Variants in MTDH observed in about 807,000 individuals in gnomAD.
The protein encoded by MTDH is protein LYRIC.
A neutral mutation model predicts 72.7 loss-of-function variants in MTDH; 34 were observed. The ratio of observed to expected loss-of-function variants is 0.47; its 90% CI spans 0.36 to 0.62. MTDH has a LOEUF of 0.62. Among genes scored for constraint, MTDH ranks in the 20% least tolerant of loss-of-function variants. MTDH has a pLI of 0.00. For synonymous variants in MTDH, 266 were observed against 268.9 expected (o/e 0.99, Z 0.10); for missense variants, 677 against 699.4 (o/e 0.97, Z 0.36).
At chr8:97,721,179 C>T (rs555165151) in intron 10 of MTDH, among the ~76,000 whole-genome samples, 28 of 152,146 alleles carry the variant, frequency 1.8e-4, no homozygotes, top group Non-Finnish European at 3.4e-4. Context: ...TGGTGGCTCA[C>T]GCCTGTAATC....
chr8:97,688,694 G>A (rs1554578861), intron 4 of MTDH, among the ~76,000 whole-genome samples: 1 of 152,198 alleles, frequency 6.6e-6, no homozygotes, highest in Non-Finnish European at 1.5e-5. Flanking sequence ...GTGTTGTTGA[G>A]AGGTGGCAAA....
chr8:97,693,561 C>G (rs868414080), intron 6 of MTDH, among the ~76,000 whole-genome samples: 13 of 152,236 alleles, frequency 8.5e-5, no homozygotes, highest in Admixed American at 5.2e-4. Context: ...CTCCTGACCT[C>G]ATGATTCACC....
rs1375246130 is a variant in MTDH at position 97,644,290 on chromosome 8, C to T, written c.-217C>T. 6 of 580,440 alleles carry T rather than the reference C, an allele frequency of 1.0e-5. No individual in the cohort carries two copies. The East Asian group carries it at 2.1e-4, about 20-fold the overall frequency. 36.0% of individuals were successfully genotyped at this position (580,440 alleles called of 1,614,324 possible). ...CACTCCCTCCCGCCTCCCGGGTCTC[C>T]TGGCGGCGGCGGAGTGAGGCTGACA... On this transcript the variant is annotated 5_prime_UTR_variant, in exon 1 of 12. Coordinates refer to ENST00000336273, the MANE Select transcript of MTDH (RefSeq NM_178812.4).
chr8:97,705,633 A>G (rs1479587490), intron 7 of MTDH, among the ~76,000 whole-genome samples: 5 of 152,120 alleles, frequency 3.3e-5, no homozygotes, highest in Non-Finnish European at 7.4e-5. Flanking sequence ...TGAGTGTTTG[A>G]TAAGAGTAGC....
chr8:97,705,839 C>T (rs1466285962), intron 7 of MTDH, among the ~76,000 whole-genome samples: 1 of 152,100 alleles, frequency 6.6e-6, no homozygotes, highest in Non-Finnish European at 1.5e-5. Context: ...ACTTTGAGAG[C>T]TACTTATTTA....
At chr8:97,723,612 A>G (rs7838171) in intron 11 of MTDH, among the ~76,000 whole-genome samples, 5,267 of 137,828 alleles carry the variant, frequency 0.038, 277 homozygotes, top group African/African-American at 0.13. Context: ...GCGTGGTGGC[A>G]GGCACCTGTA....
intron 2 of MTDH, among the ~76,000 whole-genome samples, chr8:97,671,537 T>G (rs1812623676): frequency 6.6e-6 from 1 of 152,104 alleles, no homozygotes; most frequent in South Asian, 2.1e-4. Context: ...AACAATTTCT[T>G]AAGTTTGTAT....
At chr8:97,721,840 C>T (rs1320834352) in intron 10 of MTDH, among the ~76,000 whole-genome samples, 2 of 152,182 alleles carry the variant, frequency 1.3e-5, no homozygotes, top group Non-Finnish European at 2.9e-5. Flanking sequence ...ATTCCAATTT[C>T]ACTACCAGAC....
In MTDH at chr8:97,726,097, T is replaced by C. The variant is rs981077488; in HGVS notation, c.*1427T>C. 6.5e-6 allele frequency: 1 copy of C among 152,804 alleles called. No homozygotes were observed. Among genetic ancestry groups the C allele is most frequent in the Non-Finnish European group, 1.5e-5 (1 of 68,044 alleles). 9.5% of individuals were successfully genotyped at this position (152,804 alleles called of 1,614,324 possible). ...TATATTTGACTGTGGTTCAACAGTA[T>C]TGCGTTGTCAGACTAGGAAAGCTAA... On this transcript the variant is annotated 3_prime_UTR_variant, in exon 12 of 12. Coordinates refer to ENST00000336273, the MANE Select transcript of MTDH (RefSeq NM_178812.4).
At chr8:97,693,774 G>A (rs1257154286) in intron 6 of MTDH, among the ~76,000 whole-genome samples, 2 of 152,076 alleles carry the variant, frequency 1.3e-5, no homozygotes, top group East Asian at 1.9e-4. Context: ...GGAGTGCAGT[G>A]GTGTGATCAT....
At chr8:97,672,886 C>T (rs1169720215) in intron 2 of MTDH, among the ~76,000 whole-genome samples, 1 of 152,060 alleles carries the variant, frequency 6.6e-6, no homozygotes. Context: ...TTGCTTGTGC[C>T]GTGTGCTATG....
rs974826773 is a variant in MTDH, at chr8:97,659,159, A to G, written c.382-1913A>G. 9.9e-5 allele frequency among the ~76,000 whole-genome samples: 15 copies of G among 151,766 alleles called. 1 individual carries two copies. The highest frequency in any genetic ancestry group is 3.2e-4 in the African/African-American group (13 of 41,232). ...CTGCGTCTCAAAAAAAAAAAAAATGATGATATTAGAAAGTAAAATTAAACA... is the reference window on the plus strand; with the variant it reads ...CTGCGTCTCAAAAAAAAAAAAAATGGTGATATTAGAAAGTAAAATTAAACA... On this transcript the variant is annotated intron_variant, in intron 1 of 11. Transcript: ENST00000336273.
intron 7 of MTDH, among the ~76,000 whole-genome samples, chr8:97,702,374 G>T (rs1269491766): frequency 6.6e-6 from 1 of 152,132 alleles, no homozygotes; most frequent in African/African-American, 2.4e-5. Flanking sequence ...CCATATGCAG[G>T]TTACATGATT....
Position 97,644,681 on chromosome 8 carries a change from C to T in MTDH, c.175C>T (p.Leu59Phe). 6.2e-7 allele frequency: 1 copy of T among 1,605,058 alleles called. No individual in the cohort carries two copies. The highest frequency in any genetic ancestry group is 8.5e-7 in the Non-Finnish European group (1 of 1,177,476). The change falls in exon 1 of 12, where the codon CTC becomes TTC. Residue 59 changes from leucine to phenylalanine, a missense_variant. Physicochemically the swap from Leu to Phe is conservative, Grantham distance 22. Around this residue, in one of 3 missense-constraint regions of MTDH, gnomAD observed 467 missense variants for 469.1 expected, o/e 1.00. Coordinates refer to ENST00000336273, the MANE Select transcript of MTDH (RefSeq NM_178812.4). ...GWVILVGTGA[L>F]GLLLLFLLGY... ...GGTGATCCTGGTGGGCACTGGCGCG[C>T]TCGGGCTGCTGCTGCTGTTTCTGCT...
At chr8:97,709,719 T>A (rs1814542474) in intron 8 of MTDH, among the ~76,000 whole-genome samples, 1 of 152,190 alleles carries the variant, frequency 6.6e-6, no homozygotes, top group African/African-American at 2.4e-5. Flanking sequence ...ATAGAAAAAT[T>A]GATTGGATAG....
intron 6 of MTDH, among the ~76,000 whole-genome samples, chr8:97,699,124 C>CA (rs1813995021): frequency 6.6e-6 from 1 of 152,036 alleles, no homozygotes; most frequent in Non-Finnish European, 1.5e-5. Flanking sequence ...CCCATCTCTA[C>CA]AAAAAATACA....
chr8:97,700,304 C>T (rs188730129), intron 7 of MTDH, among the ~76,000 whole-genome samples: 4 of 151,642 alleles, frequency 2.6e-5, no homozygotes, highest in South Asian at 2.1e-4. Flanking sequence ...TTTGTATGTT[C>T]GGAAAGCTCA....
chr8:97,649,848 C>G (rs944165938), intron 1 of MTDH, among the ~76,000 whole-genome samples: 1 of 152,242 alleles, frequency 6.6e-6, no homozygotes, highest in Non-Finnish European at 1.5e-5. Context: ...AGGCAGTCCA[C>G]CTGCCTCAGC....
chr8:97,714,690 C>T (rs756433928), intron 9 of MTDH, among the ~76,000 whole-genome samples: 65 of 152,054 alleles, frequency 4.3e-4, no homozygotes, highest in African/African-American at 1.5e-3. Context: ...AATACTGTTA[C>T]ATTACAACTT....
Sources: allele counts gnomAD v4.1 joint callset (sites outside exome capture counted in the v4.1 genomes callset), GRCh38; gene constraint gnomAD v4.1.1; regional missense constraint gnomAD v4.1.1; transcripts MANE v1.5; gene names NCBI Gene and HGNC (gene_info 2026-07-23, HGNC 2026-07-21).